Variants in BAZ2B observed in about 807,000 individuals in gnomAD.
The protein encoded by BAZ2B is bromodomain adjacent to zinc finger domain protein 2B.
BAZ2B carries 91 observed loss-of-function variants against 246.0 expected under a neutral mutation model. The observed-to-expected ratio is 0.37, with a 90% CI of 0.31 to 0.44. BAZ2B has a LOEUF of 0.44. Ranked by LOEUF, BAZ2B falls within the 20% of genes least tolerant of loss-of-function variation. The pLI is 1.00. For synonymous variants in BAZ2B, 855 were observed against 860.0 expected (o/e 0.99, Z 0.10); for missense variants, 2,332 against 2,533.7 (o/e 0.92, Z 1.71).
chr2:159,328,088 A>AG (rs2064025169), intron 34 of BAZ2B, among the ~76,000 whole-genome samples: 1 of 150,256 alleles, frequency 6.7e-6, no homozygotes, highest in African/African-American at 2.4e-5. Context: ...AAAAAAAAAA[A>AG]AAAGAAAGTA....
At chr2:159,658,238 C>T in the BAZ2B span, among the ~76,000 whole-genome samples, 1 of 152,148 alleles carries the variant, frequency 6.6e-6, no homozygotes, top group African/African-American at 2.4e-5. Context: ...CTGATCTTTG[C>T]TAAACCAACC....
chr2:159,478,321 T>C (rs1405464621), intron 3 of BAZ2B, among the ~76,000 whole-genome samples: 1 of 151,874 alleles, frequency 6.6e-6, no homozygotes, highest in African/African-American at 2.4e-5. Flanking sequence ...ACTTCATTAA[T>C]TTATTAATTA....
chr2:159,486,031 GTTA>G (rs2079794988), intron 2 of BAZ2B, among the ~76,000 whole-genome samples: 1 of 151,942 alleles, frequency 6.6e-6, no homozygotes, highest in South Asian at 2.1e-4. Context: ...TGGGGAAGAC[GTTA>G]TCCTAAGACT....
At chr2:159,616,844 A>C (rs1411787044), upstream of BAZ2B, 1 of 152,366 alleles carries the variant, frequency 6.6e-6, no homozygotes, top group East Asian at 1.9e-4. Flanking sequence ...TTAAAAAAAC[A>C]AAAGCTACAG....
At chr2:159,633,197 A>G in the BAZ2B span, among the ~76,000 whole-genome samples, 3 of 144,458 alleles carry the variant, frequency 2.1e-5, no homozygotes, top group South Asian at 2.2e-4. Flanking sequence ...CAGAAAGTCT[A>G]TTTTTAAAAG....
At chr2:159,528,681 C>CA (rs34432207) in intron 2 of BAZ2B, among the ~76,000 whole-genome samples, 1,990 of 92,182 alleles carry the variant, frequency 0.022, 17 homozygotes, top group African/African-American at 0.035. Flanking sequence ...AACTCTGTCT[C>CA]AAAAAAAAAA....
chr2:159,442,112 G>A (rs759374969), intron 6 of BAZ2B, among the ~76,000 whole-genome samples: 1 of 152,072 alleles, frequency 6.6e-6, no homozygotes, highest in Non-Finnish European at 1.5e-5. Context: ...AAGTAAAACA[G>A]AATAACTGGA....
intron 30 of BAZ2B, among the ~76,000 whole-genome samples, 177 bp downstream of exon 30, chr2:159,348,501 A>G (rs1429550087): frequency 6.6e-6 from 1 of 152,106 alleles, no homozygotes; most frequent in African/African-American, 2.4e-5. Context: ...AAGCCTGTAT[A>G]TGTTCAGTAC....
At chr2:159,425,329 C>T (rs1417572873) in intron 13 of BAZ2B, among the ~76,000 whole-genome samples, 4 of 152,042 alleles carry the variant, frequency 2.6e-5, no homozygotes, top group African/African-American at 7.2e-5. Flanking sequence ...TACAGGTGCC[C>T]ACCACCATGC....
the BAZ2B span, among the ~76,000 whole-genome samples, chr2:159,655,376 C>T: frequency 3.9e-5 from 6 of 152,164 alleles, no homozygotes; most frequent in African/African-American, 1.2e-4. Context: ...TTTAAATATG[C>T]CATTGTATCG....
At chr2:159,371,185 C>G (rs1041081216) in intron 27 of BAZ2B, among the ~76,000 whole-genome samples, 6 of 152,112 alleles carry the variant, frequency 3.9e-5, no homozygotes, top group Non-Finnish European at 7.3e-5. Context: ...CTCTGCCACC[C>G]AGGCTGGAGT....
the BAZ2B span, among the ~76,000 whole-genome samples, chr2:159,645,614 T>C: frequency 6.6e-6 from 1 of 152,096 alleles, no homozygotes; most frequent in African/African-American, 2.4e-5. Flanking sequence ...TACCTCCTGC[T>C]TGTGTGGCCC....
At position 159,349,695 on chromosome 2, in the gene BAZ2B, T is replaced by C. The variant is rs1456475023; in HGVS notation, c.4863+13A>G. On this transcript the variant is annotated intron_variant, in intron 28 of 36. Coordinates refer to ENST00000392783, the MANE Select transcript of BAZ2B (RefSeq NM_013450.4). ...AAGCAATATAAAAATGAGTTACAGTTAGCAGTACTAACCTGAAGAGGTGAT... is the reference window on the plus strand; with the variant it reads ...AAGCAATATAAAAATGAGTTACAGTCAGCAGTACTAACCTGAAGAGGTGAT... 3 of 1,595,240 alleles carry C rather than the reference T, an allele frequency of 1.9e-6. No individual in the cohort carries two copies. The Admixed American group carries it at 5.2e-5, about 28-fold the overall frequency.
chr2:159,671,247 T>G, the BAZ2B span, among the ~76,000 whole-genome samples: 1 of 152,218 alleles, frequency 6.6e-6, no homozygotes, highest in Non-Finnish European at 1.5e-5. Context: ...TGTTCAGAAC[T>G]GCTGACTTAC....
chr2:159,644,078 C>A, the BAZ2B span, among the ~76,000 whole-genome samples: 1 of 152,070 alleles, frequency 6.6e-6, no homozygotes, highest in East Asian at 1.9e-4. Context: ...CACCGCACTA[C>A]AGAGCAAGAC....
intron 13 of BAZ2B, among the ~76,000 whole-genome samples, chr2:159,414,347 C>A (rs12463644): frequency 0.18 from 27,976 of 151,756 alleles, 3,265 homozygotes; most frequent in Admixed American, 0.39. Flanking sequence ...TAAATAAGAT[C>A]TAGTATTTGA....
chr2:159,526,952 CTT>C (rs754477480), intron 2 of BAZ2B, among the ~76,000 whole-genome samples: 9 of 140,606 alleles, frequency 6.4e-5, no homozygotes, highest in Non-Finnish European at 7.8e-5. Context: ...GTGTTTCTTC[CTT>C]TTTTTTTTTT....
intron 2 of BAZ2B, among the ~76,000 whole-genome samples, chr2:159,488,092 TAGAC>T (rs2150998728): frequency 6.6e-6 from 1 of 152,226 alleles, no homozygotes; most frequent in South Asian, 2.1e-4. Flanking sequence ...TTTAATTTTT[TAGAC>T]AGAGTCTCAC....
At chr2:159,494,757 C>A (rs1455329013) in intron 2 of BAZ2B, among the ~76,000 whole-genome samples, 1 of 152,184 alleles carries the variant, frequency 6.6e-6, no homozygotes, top group East Asian at 1.9e-4. Flanking sequence ...GATAATTATA[C>A]AAACTTTAAC....
Sources: gnomAD v4.1 joint callset for allele counts (sites outside exome capture counted in the v4.1 genomes callset) on GRCh38, gnomAD v4.1.1 for gene constraint, MANE v1.5 for transcripts, NCBI Gene and HGNC (gene_info 2026-07-23, HGNC 2026-07-21) for gene names.